CYP4A22: variants seen among roughly 807,000 people sequenced by gnomAD.
CYP4A22 encodes cytochrome P450 family 4 subfamily A member 22, also known as cytochrome P450 4A22.
A neutral mutation model predicts 56.2 loss-of-function variants in CYP4A22; 46 were observed. The observed-to-expected ratio is 0.82, with a 90% CI of 0.65 to 1.05. The LOEUF (loss-of-function observed/expected upper bound fraction) is 1.05. CYP4A22 is among the 50% of genes least tolerant of loss of function. The pLI, the probability that CYP4A22 is intolerant of heterozygous loss-of-function variation, is 0.00. For synonymous variants in CYP4A22, 193 were observed against 251.1 expected, an observed-to-expected ratio of 0.77 and a Z score of 2.19; for missense variants, 541 against 645.9, an observed-to-expected ratio of 0.84 and a Z score of 1.76.
intron 9 of CYP4A22, 88 bp from the exon 10 acceptor site, chr1:47,145,778 T>C (rs1645068977): frequency 6.4e-7 from 1 of 1,565,178 alleles, no homozygotes; most frequent in South Asian, 1.2e-5. Flanking sequence ...GTAGGTGTTT[T>C]GGGCCTTCTT....
At chr1:47,138,382 G>C (rs1644968748) in intron 1 of CYP4A22, among the ~76,000 whole-genome samples, 1 of 152,180 alleles carries the variant, frequency 6.6e-6, no homozygotes, top group Non-Finnish European at 1.5e-5. Flanking sequence ...ACATTGAACA[G>C]GGTGTATTGA....
intron 11 of CYP4A22, chr1:47,147,380 A>C (rs1348827286): frequency 1.0e-6 from 1 of 984,960 alleles, no homozygotes; most frequent in Non-Finnish European, 1.2e-6. Context: ...AAATAACATC[A>C]TTCAAATATT....
rs1313994102 is a variant in CYP4A22, at chr1:47,144,931, A to G, written c.1183A>G (p.Thr395Ala). The change falls in exon 9 of 12, where the codon ACT becomes GCT. Residue 395 changes from threonine (T) to alanine (A), a missense_variant. By Grantham distance (58) the Thr-to-Ala change is moderately conservative. Transcript: ENST00000371891. ...GCCAGGCATTGGAAGAGAGCTCAGC[A>G]CTCCCGTCACCTTCCCTGATGGGCG... ...PVPGIGRELS[T>A]PVTFPDGRSL... 19 of 1,613,790 alleles carry G rather than the reference A, an allele frequency of 1.2e-5. No individual in the cohort carries two copies. The South Asian group carries it at 2.1e-4, about 18-fold the overall frequency.
At chr1:47,138,537 T>C (rs1425549045) in intron 1 of CYP4A22, among the ~76,000 whole-genome samples, 3 of 152,198 alleles carry the variant, frequency 2.0e-5, no homozygotes, top group Non-Finnish European at 4.4e-5. Flanking sequence ...GTCCAACCCA[T>C]GCCCCATGGG....
intron 5 of CYP4A22, among the ~76,000 whole-genome samples, 172 bp downstream of exon 5, chr1:47,143,565 A>G (rs185965862): frequency 6.6e-6 from 1 of 152,262 alleles, no homozygotes; most frequent in African/African-American, 2.4e-5. Context: ...ACAGATGCCT[A>G]ATTCCTAGCA....
chr1:47,137,512 C>G lies in CYP4A22; in HGVS notation c.27C>G (p.Ser9Arg), dbSNP rs199572592. The G allele has an allele frequency of 2.4e-4, 383 of 1,613,624 alleles. No individual in the cohort carries two copies. The highest frequency in any genetic ancestry group is 1.0e-4 in the Non-Finnish European group (120 of 1,179,748). The change falls in exon 1 of 12, where the codon AGC (serine) becomes AGG (arginine). Residue 9 changes from serine (S) to arginine (R), a missense_variant. Ser to Arg is a moderately radical substitution (Grantham distance 110). Around this residue, in one of 3 missense-constraint regions of CYP4A22, gnomAD observed 335 missense variants for 361.2 expected, o/e 0.93. Transcript: ENST00000371891. ...TGAGTGTCTCTGTCCTGAGCCCCAGCAGACGCCTGGGTGGTGTCTCCGGGA... is the reference window on the plus strand; with the variant it reads ...TGAGTGTCTCTGTCCTGAGCCCCAGGAGACGCCTGGGTGGTGTCTCCGGGA... MSVSVLSP[S>R]RRLGGVSGIL...
chr1:47,141,963 T>A, intron 3 of CYP4A22, 145 bp from the exon 4 acceptor site: 1 of 1,221,936 alleles, frequency 8.2e-7, no homozygotes, highest in East Asian at 2.5e-5. Flanking sequence ...ATACCTCCTT[T>A]TCCTGCATTT....
chr1:47,137,988 T>C (rs1284575752), intron 1 of CYP4A22, among the ~76,000 whole-genome samples: 3 of 152,144 alleles, frequency 2.0e-5, no homozygotes, highest in Admixed American at 1.3e-4. Flanking sequence ...CCATAAGCCT[T>C]GGCTTTTCTC....
At chr1:47,147,440 G>A in intron 11 of CYP4A22, 1 of 984,176 alleles carries the variant, frequency 1.0e-6, no homozygotes. Flanking sequence ...GCAGCATGAT[G>A]AGAAAACAGA....
chr1:47,140,387 T>A (rs554267024), intron 1 of CYP4A22, among the ~76,000 whole-genome samples: 9 of 152,388 alleles, frequency 5.9e-5, no homozygotes, highest in Non-Finnish European at 1.0e-4. Flanking sequence ...AGTATGATTA[T>A]ATAAAATTAT....
At position 47,149,012 on chromosome 1, in the gene CYP4A22, G is replaced by A. The variant is rs1645104385; in HGVS notation, c.*215G>A. On this transcript the variant is annotated 3_prime_UTR_variant, in exon 12 of 12. Transcript: ENST00000371891. Reference sequence around the variant, plus strand: ...TGTATATCTTGTTGGGAGAAAAGCTGAGTGTTGGGAGAAGCTGAGGCCGAG... The same window carrying A: ...TGTATATCTTGTTGGGAGAAAAGCTAAGTGTTGGGAGAAGCTGAGGCCGAG... 9.6e-6 allele frequency: 5 copies of A among 519,574 alleles called. No individual in the cohort carries two copies. Among genetic ancestry groups the A allele is most frequent in the Non-Finnish European group, 1.6e-5 (5 of 307,540 alleles). The allele number at this position is 519,574 out of a possible 1,614,324, so 32.2% of individuals were successfully genotyped here.
At chr1:47,147,766 G>C (rs1192786757) in intron 11 of CYP4A22, among the ~76,000 whole-genome samples, 7 of 152,194 alleles carry the variant, frequency 4.6e-5, no homozygotes, top group African/African-American at 1.7e-4. Context: ...CTAGGATGTG[G>C]GCTGGACAGG....
In CYP4A22 at chr1:47,149,010, C is replaced by G; in HGVS notation, c.*213C>G. On this transcript the variant is annotated 3_prime_UTR_variant, in exon 12 of 12. Transcript: ENST00000371891. ...CCTGTATATCTTGTTGGGAGAAAAG[C>G]TGAGTGTTGGGAGAAGCTGAGGCCG... The G allele has an allele frequency of 1.9e-6, 1 of 533,498 alleles. No individual in the cohort carries two copies. The highest frequency in any genetic ancestry group is 3.1e-6 in the Non-Finnish European group (1 of 317,638). The allele number at this position is 533,498 out of a possible 1,614,324, so 33.0% of individuals were successfully genotyped here. A position where few individuals can be genotyped will look rare whatever the true frequency, so the allele number is the denominator to read the frequency against.
chr1:47,137,831 C>T, intron 1 of CYP4A22, 151 bp downstream of exon 1: 2 of 1,372,148 alleles, frequency 1.5e-6, no homozygotes, highest in Non-Finnish European at 1.9e-6. Context: ...TCAGCTTGTC[C>T]CAGTCATGAG....
Position 47,142,287 on chromosome 1 carries a change from C to T in CYP4A22, c.510+52C>T, listed in dbSNP as rs770578342. On this transcript the variant is annotated intron_variant, in intron 4 of 11. Transcript: ENST00000371891. ...CACACCCACTCACAGCACACACTCT[C>T]ACCAACTCCACTCTCAACCCTGTGT... is the stretch of plus-strand genomic sequence containing the variant. 2.0e-6 allele frequency: 3 copies of T among 1,537,658 alleles called. No individual in the cohort carries two copies. The African/African-American group carries it at 4.1e-5, about 21-fold the overall frequency.
In CYP4A22 at chr1:47,140,767, C is replaced by T. The variant is rs1387484325; in HGVS notation, c.196-13C>T. ...GTAAATGAAAGTGTTCATCTGTCTA[C>T]CCTCGTTGACAGTTCCAACACGACC... On this transcript the variant is annotated splice_polypyrimidine_tract_variant and intron_variant, in intron 1 of 11. Transcript: ENST00000371891. The T allele has an allele frequency of 9.3e-6, 15 of 1,613,860 alleles. No homozygotes were observed. The highest frequency in any genetic ancestry group is 1.2e-5 in the Non-Finnish European group (14 of 1,179,906).
At chr1:47,145,045 C>T (rs1645061541) in intron 9 of CYP4A22, 75 bp downstream of exon 9, 3 of 1,583,000 alleles carry the variant, frequency 1.9e-6, no homozygotes, top group Middle Eastern at 1.8e-4. Flanking sequence ...ATGTGTGCTT[C>T]AGAGTTCTGC....
chr1:47,139,511 C>T (rs1036347613), intron 1 of CYP4A22, among the ~76,000 whole-genome samples: 2 of 152,214 alleles, frequency 1.3e-5, no homozygotes, highest in Non-Finnish European at 2.9e-5. Context: ...TTATCCCCTA[C>T]TGCACAGCCT....
At chr1:47,143,612 G>T (rs2148556983) in intron 5 of CYP4A22, 150 bp from the exon 6 acceptor site, 1 of 1,271,198 alleles carries the variant, frequency 7.9e-7, no homozygotes, top group African/African-American at 1.5e-5. Context: ...TCTGATAAAG[G>T]CCAAAGGATA....
Sources: gnomAD v4.1 joint callset for allele counts (sites outside exome capture counted in the v4.1 genomes callset) on GRCh38, gnomAD v4.1.1 for gene constraint, gnomAD v4.1.1 regional missense constraint, MANE v1.5 for transcripts, NCBI Gene and HGNC (gene_info 2026-07-23, HGNC 2026-07-21) for gene names.